Variants in PRKAR1B observed in about 807,000 individuals in gnomAD.
The protein encoded by PRKAR1B is cAMP-dependent protein kinase type I-beta regulatory subunit.
A neutral mutation model predicts 46.5 loss-of-function variants in PRKAR1B; 22 were observed. The ratio of observed to expected loss-of-function variants is 0.47; its 90% CI spans 0.34 to 0.68. The LOEUF (loss-of-function observed/expected upper bound fraction) is 0.68. Among genes scored for constraint, PRKAR1B ranks in the 30% least tolerant of loss-of-function variants. PRKAR1B has a pLI of 0.01. For missense variants in PRKAR1B, 445 were observed against 535.6 expected, an observed-to-expected ratio of 0.83 and a Z score of 1.67; for synonymous variants, 259 against 217.7, an observed-to-expected ratio of 1.19 and a Z score of -1.67.
At chr7:658,313 G>C (rs1045307392) in intron 4 of PRKAR1B, among the ~76,000 whole-genome samples, 1 of 152,122 alleles carries the variant, frequency 6.6e-6, no homozygotes, top group Non-Finnish European at 1.5e-5. Context: ...GTGCACACCT[G>C]TAGTTCCAGC....
intron 2 of PRKAR1B, among the ~76,000 whole-genome samples, chr7:702,305 G>A (rs775132180): frequency 2.0e-5 from 3 of 150,164 alleles, no homozygotes; most frequent in Non-Finnish European, 3.0e-5. Context: ...AAGAAACATA[G>A]GAAAAAAAAC....
At chr7:553,700 T>C (rs958420972) in intron 9 of PRKAR1B, among the ~76,000 whole-genome samples, 1 of 152,096 alleles carries the variant, frequency 6.6e-6, no homozygotes, top group African/African-American at 2.4e-5. Context: ...AGCCAGGCTG[T>C]ACCTGGGTTA....
chr7:673,377 C>T lies in PRKAR1B; in HGVS notation c.440+3852G>A, dbSNP rs999756566. 7.2e-5 allele frequency among the ~76,000 whole-genome samples: 11 copies of T among 152,156 alleles called. 1 individual carries two copies. The highest frequency in any genetic ancestry group is 5.8e-4 in the East Asian group (3 of 5,176). ...AAATAGTCTTCAGCTCAGCCGGGCG[C>T]GGTGGCTCACGCCTGTAATCCCAGC... On this transcript the variant is annotated intron_variant, in intron 4 of 10. Transcript: ENST00000537384.
intron 8 of PRKAR1B, among the ~76,000 whole-genome samples, chr7:584,275 G>A (rs1271878075): frequency 1.3e-5 from 2 of 152,236 alleles, no homozygotes; most frequent in Non-Finnish European, 2.9e-5. Context: ...TGAGAAGCAG[G>A]GCAGCCCCGC....
intron 9 of PRKAR1B, among the ~76,000 whole-genome samples, chr7:552,901 G>A (rs562784293): frequency 3.0e-4 from 45 of 152,364 alleles, no homozygotes; most frequent in Middle Eastern, 3.4e-3. Flanking sequence ...CCTGACCCCC[G>A]ACACGGGGAA....
chr7:598,078 C>T (rs145068911), intron 6 of PRKAR1B, among the ~76,000 whole-genome samples: 1,880 of 152,276 alleles, frequency 0.012, 46 homozygotes, highest in African/African-American at 0.04. Flanking sequence ...CATCCCTGTA[C>T]GTGACATGCA....
In PRKAR1B at chr7:714,604, G is replaced by A. The variant is rs1780809840; in HGVS notation, c.-22-3077C>T. On this transcript the variant is annotated intron_variant, in intron 1 of 10. Transcript: ENST00000537384. This position sits in a 1 kb window ranked among gnomAD's most constrained non-coding sequence, Gnocchi z 4.3. ...TCCAGTGGCCCCCACCCCACACAAG[G>A]ACTCCCTCTCCAGACTGGCTCTGGT... 6.6e-6 allele frequency among the ~76,000 whole-genome samples: 1 copy of A among 152,108 alleles called. No individual in the cohort carries two copies.
intron 9 of PRKAR1B, among the ~76,000 whole-genome samples, chr7:569,800 C>G (rs1222554159): frequency 6.6e-6 from 1 of 152,180 alleles, no homozygotes; most frequent in African/African-American, 2.4e-5. Flanking sequence ...AGGAAGCTCT[C>G]ACACCCGTAA....
chr7:720,282 T>C (rs1254168490), intron 1 of PRKAR1B, among the ~76,000 whole-genome samples: 4 of 152,198 alleles, frequency 2.6e-5, no homozygotes, highest in Non-Finnish European at 5.9e-5. Flanking sequence ...GGTCTTGAAC[T>C]CCTGACCTCA....
rs1310675004 is a variant in PRKAR1B, at chr7:644,804, G to A, written c.440+32425C>T. ...ACACCTCCCATAGCCTTCCAGGGAA[G>A]CGGGCCCCAAAGAGGCTGGACCGGG... On this transcript the variant is annotated intron_variant, in intron 4 of 10. Transcript: ENST00000537384. This position sits in a 1 kb window ranked among gnomAD's most constrained non-coding sequence, Gnocchi z 4.9. Among the ~76,000 whole-genome samples the A allele has an allele frequency of 2.0e-5, 3 of 152,176 alleles. No individual in the cohort carries two copies. The highest frequency in any genetic ancestry group is 4.4e-5 in the Non-Finnish European group (3 of 68,038).
upstream of PRKAR1B, among the ~76,000 whole-genome samples, chr7:727,811 C>G (rs987832566): frequency 1.4e-5 from 2 of 146,528 alleles, no homozygotes; most frequent in African/African-American, 2.6e-5. Context: ...CACCCTCCTC[C>G]CTGCCTGAGC....
intron 4 of PRKAR1B, among the ~76,000 whole-genome samples, chr7:635,629 C>T (rs1784004765): frequency 6.6e-6 from 1 of 152,158 alleles, no homozygotes; most frequent in African/African-American, 2.4e-5. Context: ...CAGGCCCTCC[C>T]AGACTATCCT....
chr7:597,564 C>T lies in PRKAR1B; in HGVS notation c.550-1260G>A, dbSNP rs539332285. On this transcript the variant is annotated intron_variant, in intron 6 of 10. Transcript: ENST00000537384. ...GAATCAGAAGACGGCCGTCCTTCCA[C>T]GGAGCCAGAGAGTACCCACCCGCGC... Among the ~76,000 whole-genome samples, 92 of 152,326 alleles carry T rather than the reference C, an allele frequency of 6.0e-4. 1 individual carries two copies. The highest frequency in any genetic ancestry group is 2.0e-3 in the African/African-American group (84 of 41,576).
intron 7 of PRKAR1B, among the ~76,000 whole-genome samples, chr7:588,696 G>A (rs1165167755): frequency 0.019 from 173 of 8,994 alleles, 4 homozygotes; most frequent in Middle Eastern, 0.083. Flanking sequence ...GGTGATGGTG[G>A]TGATGGTGAT....
intron 4 of PRKAR1B, among the ~76,000 whole-genome samples, chr7:609,172 T>C (rs143240521): frequency 0.017 from 2,513 of 152,200 alleles, 70 homozygotes; most frequent in African/African-American, 0.057. Flanking sequence ...GGTGGGGACA[T>C]TTCCTGGCCA....
chr7:665,463 ATC>A (rs1452736376), intron 4 of PRKAR1B, among the ~76,000 whole-genome samples: 1 of 152,114 alleles, frequency 6.6e-6, no homozygotes, highest in Admixed American at 6.5e-5. Context: ...TGCATACATC[ATC>A]TGATGCAAGC....
At chr7:636,759 G>A (rs893280895) in intron 4 of PRKAR1B, among the ~76,000 whole-genome samples, 1 of 152,184 alleles carries the variant, frequency 6.6e-6, no homozygotes, top group African/African-American at 2.4e-5. Context: ...CTGACGGGTC[G>A]GGTCCATCTC....
At chr7:572,351 G>A (rs1007400578) in intron 9 of PRKAR1B, among the ~76,000 whole-genome samples, 1 of 152,198 alleles carries the variant, frequency 6.6e-6, no homozygotes, top group Non-Finnish European at 1.5e-5. Flanking sequence ...TTCAGAGACA[G>A]CGGGCGTGAC....
At chr7:655,448 C>T (rs1785142537) in intron 4 of PRKAR1B, among the ~76,000 whole-genome samples, 1 of 152,174 alleles carries the variant, frequency 6.6e-6, no homozygotes, top group South Asian at 2.1e-4. Context: ...TTCCTCTTTC[C>T]CCCAGGTATT....
Sources: allele counts gnomAD v4.1 joint callset (sites outside exome capture counted in the v4.1 genomes callset), GRCh38; gene constraint gnomAD v4.1.1; non-coding constraint Gnocchi (gnomAD v3.1); transcripts MANE v1.5; gene names NCBI Gene and HGNC (gene_info 2026-07-23, HGNC 2026-07-21).